The following C5orf47 variants were observed in gnomAD, a reference collection of about 807,000 sequenced individuals.
C5orf47 encodes uncharacterized protein C5orf47.
Under a neutral mutation model 20.6 loss-of-function variants are expected in C5orf47, and 20 were observed. That is an observed-to-expected ratio of 0.97 (90% CI 0.68 to 1.41). The LOEUF (loss-of-function observed/expected upper bound fraction) is 1.41, where lower values mean the gene tolerates loss of function less well. Ranked by LOEUF, C5orf47 falls within the 40% of genes most tolerant of loss-of-function variation. The pLI, the probability that C5orf47 is intolerant of heterozygous loss-of-function variation, is 0.00. For missense variants in C5orf47, 262 were observed against 238.4 expected, an observed-to-expected ratio of 1.10 and a Z score of -0.65; for synonymous variants, 106 against 97.3, an observed-to-expected ratio of 1.09 and a Z score of -0.53.
At chr5:174,007,246 G>GATA (rs965224282), downstream of C5orf47, among the ~76,000 whole-genome samples, 5 of 152,218 alleles carry the variant, frequency 3.3e-5, no homozygotes, top group African/African-American at 1.2e-4. Flanking sequence ...TCCCAGCCAA[G>GATA]ATAATAATAA....
intron 2 of C5orf47, 48 bp downstream of exon 2, chr5:173,998,286 C>G (rs1445846874): frequency 3.1e-6 from 3 of 968,354 alleles, no homozygotes; most frequent in South Asian, 1.5e-5. Context: ...TTTAGATCAT[C>G]CTCTCTAAAT....
intron 1 of C5orf47, among the ~76,000 whole-genome samples, chr5:173,992,553 GAATTT>G (rs1226388060): frequency 6.6e-6 from 1 of 151,956 alleles, no homozygotes; most frequent in African/African-American, 2.4e-5. Flanking sequence ...TGTGAGCAGG[GAATTT>G]AATTCATTTA....
chr5:173,989,693 G>A, intron 1 of C5orf47, 105 bp downstream of exon 1: 1 of 1,057,386 alleles, frequency 9.5e-7, no homozygotes, highest in Non-Finnish European at 1.3e-6. Flanking sequence ...GCTGGGGGCA[G>A]CTTTCCTGTC....
At chr5:173,989,614 CGGGCGCGGCGGGGCGGGACG>C in intron 1 of C5orf47, 26 bp downstream of exon 1, 1 of 1,013,998 alleles carries the variant, frequency 9.9e-7, no homozygotes, top group East Asian at 5.0e-5. Flanking sequence ...AGGGCGGGAC[CGGGCGCGGCGGGGCGGGACG>C]GGGCGGAGCG....
intron 1 of C5orf47, among the ~76,000 whole-genome samples, chr5:173,995,505 A>T (rs1759073523): frequency 6.6e-6 from 1 of 152,216 alleles, no homozygotes; most frequent in African/African-American, 2.4e-5. Context: ...GCAGGATCAT[A>T]TTGGCCAAGT....
At chr5:174,008,314 TTGAA>T (rs1204460360), downstream of C5orf47, among the ~76,000 whole-genome samples, 1 of 152,140 alleles carries the variant, frequency 6.6e-6, no homozygotes, top group Non-Finnish European at 1.5e-5. Context: ...GTTGTTAACT[TTGAA>T]TGAGACACAG....
intron 1 of C5orf47, 50 bp downstream of exon 1, chr5:173,989,638 C>A: frequency 7.5e-7 from 1 of 1,329,456 alleles, no homozygotes; most frequent in South Asian, 1.8e-5. Flanking sequence ...CGGGACGGGG[C>A]GGAGCGGGCT....
intron 4 of C5orf47, among the ~76,000 whole-genome samples, chr5:174,002,169 C>A (rs988610462): frequency 6.6e-6 from 1 of 151,834 alleles, no homozygotes; most frequent in African/African-American, 2.4e-5. Context: ...CTATGTTGCC[C>A]GGGTTGGTCT....
At chr5:173,993,293 T>G (rs1263348040) in intron 1 of C5orf47, among the ~76,000 whole-genome samples, 9 of 152,160 alleles carry the variant, frequency 5.9e-5, no homozygotes. Context: ...GTGTGGTTTT[T>G]GCTTGCTATT....
chr5:173,990,784 A>T (rs146983141), intron 1 of C5orf47, among the ~76,000 whole-genome samples: 2 of 152,190 alleles, frequency 1.3e-5, no homozygotes, highest in East Asian at 1.9e-4. Flanking sequence ...TAATTTACGT[A>T]TGTTTCGAAG....
At chr5:174,003,951 G>A (rs1759242242) in intron 4 of C5orf47, among the ~76,000 whole-genome samples, 1 of 152,206 alleles carries the variant, frequency 6.6e-6, no homozygotes, top group Non-Finnish European at 1.5e-5. Context: ...CTAGGCAATG[G>A]CCTTGGTTGT....
intron 1 of C5orf47, among the ~76,000 whole-genome samples, chr5:173,996,515 G>T (rs1759102711): frequency 1.3e-5 from 2 of 152,154 alleles, no homozygotes; most frequent in Admixed American, 6.5e-5. Flanking sequence ...GTATTCCAAA[G>T]GTTGTAGGCA....
rs777662580 is a variant in C5orf47, at chr5:173,989,598, C to T, written c.325+10C>T. The T allele has an allele frequency of 3.8e-6, 5 of 1,303,258 alleles. No homozygotes were observed. Among genetic ancestry groups the T allele is most frequent in the Non-Finnish European group, 2.0e-6 (2 of 1,010,156 alleles). 80.7% of individuals were successfully genotyped at this position (1,303,258 alleles called of 1,614,324 possible). A position where few individuals can be genotyped will look rare whatever the true frequency, so the allele number is the denominator to read the frequency against. On this transcript the variant is annotated intron_variant, in intron 1 of 4. Coordinates refer to ENST00000340147, the MANE Select transcript of C5orf47 (RefSeq NM_001144954.2). ...CAGTCGGCGCGTGCAGGTGGTGCAG[C>T]GGGGCAGGGCGGGACCGGGCGCGGC... is the stretch of plus-strand genomic sequence containing the variant.
chr5:173,995,123 A>G (rs1447753221), intron 1 of C5orf47, among the ~76,000 whole-genome samples: 1 of 152,162 alleles, frequency 6.6e-6, no homozygotes, highest in Non-Finnish European at 1.5e-5. Flanking sequence ...CTTAATGTTA[A>G]TATTAAGTAG....
At chr5:173,990,169 A>C (rs114193472) in intron 1 of C5orf47, among the ~76,000 whole-genome samples, 2 of 145,384 alleles carry the variant, frequency 1.4e-5, no homozygotes, top group Admixed American at 1.4e-4. Context: ...TGTGTCACTC[A>C]GGCTGGAGTG....
In C5orf47 at chr5:173,998,169, T is replaced by C; in HGVS notation, c.342T>C (p.Asp114=). The C allele has an allele frequency of 6.5e-7, 1 of 1,539,890 alleles. No homozygotes were observed. Among genetic ancestry groups the C allele is most frequent in the East Asian group, 2.4e-5 (1 of 40,844 alleles). The change falls in exon 2 of 5, where the codon GAT becomes GAC. Residue 114 remains aspartate (D), a synonymous_variant. Coordinates refer to ENST00000340147, the MANE Select transcript of C5orf47 (RefSeq NM_001144954.2). ...QSARAGLIQK[D]AAKKYDFPIP... Reference sequence around the variant, plus strand: ...AAAAATTAGGTTTAATCCAGAAGGATGCAGCTAAAAAGTATGATTTTCCCA... The same window carrying C: ...AAAAATTAGGTTTAATCCAGAAGGACGCAGCTAAAAAGTATGATTTTCCCA...
At chr5:174,001,947 C>CTTTTTTTTTTTT (rs531174254) in intron 4 of C5orf47, among the ~76,000 whole-genome samples, 1 of 143,540 alleles carries the variant, frequency 7.0e-6, no homozygotes. Flanking sequence ...TATCTTTTTT[C>CTTTTTTTTTTTT]TTTTTTTTTT....
chr5:173,989,207 C>T lies in C5orf47; in HGVS notation c.-57C>T, dbSNP rs1295146893. 1.5e-6 allele frequency: 2 copies of T among 1,356,036 alleles called. No individual in the cohort carries two copies. Among genetic ancestry groups the T allele is most frequent in the Non-Finnish European group, 1.9e-6 (2 of 1,054,934 alleles). 84.0% of individuals were successfully genotyped at this position (1,356,036 alleles called of 1,614,324 possible). ...ATCCCTCGCCTGCACAGTGGGCAGT[C>T]TGGCGCCTGTGGCGTCGTGTTTGCT... is the stretch of plus-strand genomic sequence containing the variant. On this transcript the variant is annotated 5_prime_UTR_variant, in exon 1 of 5. Coordinates refer to ENST00000340147, the MANE Select transcript of C5orf47 (RefSeq NM_001144954.2).
intron 1 of C5orf47, 116 bp downstream of exon 1, chr5:173,989,704 A>C (rs1758949904): frequency 1.0e-6 from 1 of 988,548 alleles, no homozygotes; most frequent in Non-Finnish European, 1.4e-6. Context: ...CTTTCCTGTC[A>C]GGCCGTGTTG....
Sources: gnomAD v4.1 joint callset for allele counts (sites outside exome capture counted in the v4.1 genomes callset) on GRCh38, gnomAD v4.1.1 for gene constraint, MANE v1.5 for transcripts, NCBI Gene and HGNC (gene_info 2026-07-23, HGNC 2026-07-21) for gene names.